Variants in CNTNAP2 observed in about 807,000 individuals in gnomAD.
CNTNAP2 encodes the protein contactin associated protein 2.
Under a neutral mutation model 155.2 loss-of-function variants are expected in CNTNAP2, and 98 were observed. The observed-to-expected ratio is 0.63, with a 90% CI of 0.54 to 0.75. The LOEUF is 0.75. CNTNAP2 is among the 30% of genes least tolerant of loss of function. The probability of loss-of-function intolerance (pLI) is 0.00; values close to 1 mark genes in which losing one functional copy is unlikely to be tolerated. For synonymous variants in CNTNAP2, 651 were observed against 631.2 expected (o/e 1.03, Z -0.47); for missense variants, 1,727 against 1,688.1 (o/e 1.02, Z -0.40).
At chr7:147,002,944 CAAAAA>C (rs773401142) in intron 3 of CNTNAP2, among the ~76,000 whole-genome samples, 612 of 52,950 alleles carry the variant, frequency 0.012, 6 homozygotes, top group African/African-American at 0.038. Flanking sequence ...ATGTTCCTTC[CAAAAA>C]AAAAAAAAAA....
chr7:147,728,296 T>C (rs1584923240), intron 13 of CNTNAP2, among the ~76,000 whole-genome samples: 1 of 152,072 alleles, frequency 6.6e-6, no homozygotes, highest in African/African-American at 2.4e-5. Context: ...CTAATTCTGT[T>C]TCTCAGGTGA....
At chr7:147,278,223 G>T (rs1281745458) in intron 8 of CNTNAP2, among the ~76,000 whole-genome samples, 1 of 150,432 alleles carries the variant, frequency 6.6e-6, no homozygotes, top group Non-Finnish European at 1.5e-5. Context: ...TCCATAAATA[G>T]AAACTTTTCC....
chr7:146,769,781 T>C (rs577812225), intron 1 of CNTNAP2, among the ~76,000 whole-genome samples: 1 of 152,314 alleles, frequency 6.6e-6, no homozygotes, highest in African/African-American at 2.4e-5. Flanking sequence ...CCATATGATA[T>C]CCATTGCAAT....
At chr7:147,373,622 T>C (rs1352441293) in intron 9 of CNTNAP2, among the ~76,000 whole-genome samples, 1 of 152,094 alleles carries the variant, frequency 6.6e-6, no homozygotes, top group Non-Finnish European at 1.5e-5. Flanking sequence ...ACAAATGTTA[T>C]CATTGTCTTG....
In CNTNAP2 at chr7:147,876,424, G is replaced by C. The variant is rs140848446; in HGVS notation, c.2099-27141G>C. 2.0e-5 allele frequency among the ~76,000 whole-genome samples: 3 copies of C among 152,252 alleles called. No individual in the cohort carries two copies. In the East Asian group the frequency reaches 5.8e-4, roughly 29 times the overall value. ...GCCAAAATAATGTTTATTTGCATGGGAACTTCGATTTGTGTGTGTTTGTGT... is the reference window on the plus strand; with the variant it reads ...GCCAAAATAATGTTTATTTGCATGGCAACTTCGATTTGTGTGTGTTTGTGT... On this transcript the variant is annotated intron_variant, in intron 13 of 23. Transcript: ENST00000361727.
intron 3 of CNTNAP2, among the ~76,000 whole-genome samples, chr7:146,987,469 C>A (rs1798132852): frequency 6.6e-6 from 1 of 152,066 alleles, no homozygotes. Context: ...ATAGACATTT[C>A]ACACTCTGAG....
At chr7:148,307,640 C>A (rs1249586474) in intron 21 of CNTNAP2, among the ~76,000 whole-genome samples, 1 of 152,124 alleles carries the variant, frequency 6.6e-6, no homozygotes, top group African/African-American at 2.4e-5. Context: ...TAATGGGAAT[C>A]CTTCAGCACT....
intron 2 of CNTNAP2, among the ~76,000 whole-genome samples, chr7:146,811,504 T>A (rs1803065500): frequency 6.6e-6 from 1 of 152,144 alleles, no homozygotes; most frequent in South Asian, 2.1e-4. Flanking sequence ...TTTATAATTT[T>A]ATTTACTTTG....
chr7:147,487,697 A>G (rs1220553071), intron 11 of CNTNAP2, among the ~76,000 whole-genome samples: 2 of 115,574 alleles, frequency 1.7e-5, no homozygotes, highest in East Asian at 5.6e-4. Flanking sequence ...ATACACAGCA[A>G]AAAGGCAAAA....
At chr7:146,664,421 A>G (rs1232060649) in intron 1 of CNTNAP2, among the ~76,000 whole-genome samples, 1 of 152,046 alleles carries the variant, frequency 6.6e-6, no homozygotes, top group Non-Finnish European at 1.5e-5. Flanking sequence ...TCAGCCTCCC[A>G]AAGTGCTGGG....
At chr7:146,222,141 G>A (rs802534) in intron 1 of CNTNAP2, among the ~76,000 whole-genome samples, 103,888 of 152,072 alleles carry the variant, frequency 0.68, 36,796 homozygotes, top group East Asian at 0.94. Flanking sequence ...CCTAGAAGTG[G>A]TAATTACTAA....
intron 1 of CNTNAP2, among the ~76,000 whole-genome samples, chr7:146,155,367 A>C (rs1798109492): frequency 6.6e-6 from 1 of 152,188 alleles, no homozygotes; most frequent in Non-Finnish European, 1.5e-5. Flanking sequence ...TCAGAACAAC[A>C]AGTACTAGAA....
chr7:147,033,952 T>C (rs956662335), intron 3 of CNTNAP2, among the ~76,000 whole-genome samples: 17 of 151,690 alleles, frequency 1.1e-4, no homozygotes, highest in African/African-American at 4.1e-4. Flanking sequence ...AGTAACAGAG[T>C]AGGGAAAAAC....
intron 4 of CNTNAP2, among the ~76,000 whole-genome samples, chr7:147,086,463 A>G (rs925484490): frequency 2.6e-5 from 4 of 151,716 alleles, no homozygotes; most frequent in Non-Finnish European, 4.4e-5. Flanking sequence ...TTTGAGACAG[A>G]TTTCTCTCTA....
intron 11 of CNTNAP2, among the ~76,000 whole-genome samples, chr7:147,491,410 C>T (rs1480400629): frequency 6.6e-6 from 1 of 152,194 alleles, no homozygotes; most frequent in African/African-American, 2.4e-5. Context: ...GCAGTCATCT[C>T]AGAAAAGCTT....
chr7:148,391,867 C>A (rs1412204607), intron 22 of CNTNAP2, among the ~76,000 whole-genome samples: 1 of 152,164 alleles, frequency 6.6e-6, no homozygotes, highest in Non-Finnish European at 1.5e-5. Context: ...GGAGCAACTC[C>A]AAACTGCACA....
intron 8 of CNTNAP2, among the ~76,000 whole-genome samples, chr7:147,202,987 T>C (rs1228407063): frequency 6.6e-6 from 1 of 151,214 alleles, no homozygotes; most frequent in Non-Finnish European, 1.5e-5. Context: ...TTACACATGA[T>C]AAAATCTGTC....
At chr7:147,273,119 G>A (rs1158636350) in intron 8 of CNTNAP2, among the ~76,000 whole-genome samples, 2 of 151,974 alleles carry the variant, frequency 1.3e-5, no homozygotes, top group African/African-American at 2.4e-5. Context: ...CTGCTTCCTG[G>A]CCCACTCCCA....
chr7:148,299,101 C>T (rs1359680738), intron 21 of CNTNAP2, among the ~76,000 whole-genome samples: 1 of 152,020 alleles, frequency 6.6e-6, no homozygotes, highest in Non-Finnish European at 1.5e-5. Flanking sequence ...CGCCTTTCTC[C>T]CACCTCAGCC....
Sources: allele counts gnomAD v4.1 joint callset (sites outside exome capture counted in the v4.1 genomes callset), GRCh38; gene constraint gnomAD v4.1.1; transcripts MANE v1.5; gene names NCBI Gene and HGNC (gene_info 2026-07-23, HGNC 2026-07-21).